CATSPERE: variants seen among roughly 807,000 people sequenced by gnomAD.
CATSPERE encodes the protein cation channel sperm-associated auxiliary subunit epsilon.
A neutral mutation model predicts 114.1 loss-of-function variants in CATSPERE; 93 were observed. The ratio of observed to expected loss-of-function variants is 0.81; its 90% CI spans 0.69 to 0.97. The LOEUF (loss-of-function observed/expected upper bound fraction) is 0.97, where lower values mean the gene tolerates loss of function less well. Ranked by LOEUF, CATSPERE falls within the 50% of genes least tolerant of loss-of-function variation. The pLI is 0.00. For missense variants in CATSPERE, 1,058 were observed against 1,131.6 expected, an observed-to-expected ratio of 0.93 and a Z score of 0.93; for synonymous variants, 341 against 384.1, an observed-to-expected ratio of 0.89 and a Z score of 1.31.
At chr1:244,592,071 G>A (rs1192368149) in intron 15 of CATSPERE, among the ~76,000 whole-genome samples, 3 of 152,088 alleles carry the variant, frequency 2.0e-5, no homozygotes, top group Non-Finnish European at 2.9e-5. Flanking sequence ...GACTGAAGCC[G>A]GGTACAGTGG....
At chr1:244,600,372 AGAG>A (rs1455672057) in intron 17 of CATSPERE, among the ~76,000 whole-genome samples, 11 of 24,744 alleles carry the variant, frequency 4.4e-4, no homozygotes, top group Admixed American at 7.8e-4. Flanking sequence ...AAAAAAAAAA[AGAG>A]AGAGAGAGAG....
chr1:244,564,359 A>G (rs12085540), intron 10 of CATSPERE, among the ~76,000 whole-genome samples: 29,946 of 152,040 alleles, frequency 0.2, 4,409 homozygotes, highest in East Asian at 0.41. Flanking sequence ...CCATTTTCAC[A>G]ATACTGATTC....
chr1:244,560,560 A>G (rs1572754593), intron 9 of CATSPERE, 108 bp from the exon 10 acceptor site: 1 of 629,458 alleles, frequency 1.6e-6, no homozygotes, highest in East Asian at 3.4e-5. Context: ...ACCTATTGAA[A>G]GAAAATTTAA....
chr1:244,588,250 A>G (rs1667276326), intron 13 of CATSPERE, among the ~76,000 whole-genome samples: 1 of 151,950 alleles, frequency 6.6e-6, no homozygotes, highest in East Asian at 1.9e-4. Flanking sequence ...CAAATGTAAG[A>G]AAGGAGAGAC....
chr1:244,543,837 G>A (rs1398057207), intron 8 of CATSPERE, among the ~76,000 whole-genome samples: 2 of 151,868 alleles, frequency 1.3e-5, no homozygotes, highest in East Asian at 3.9e-4. Context: ...ATGAGGTGAG[G>A]GGAGAAACAT....
intron 8 of CATSPERE, among the ~76,000 whole-genome samples, chr1:244,547,974 T>C (rs999371218): frequency 2.0e-5 from 3 of 152,236 alleles, no homozygotes; most frequent in African/African-American, 7.2e-5. Context: ...CATGCTATTA[T>C]ATACCAATTC....
chr1:244,543,004 CGTT>C (rs892436381), intron 8 of CATSPERE, among the ~76,000 whole-genome samples: 1 of 152,112 alleles, frequency 6.6e-6, no homozygotes, highest in African/African-American at 2.4e-5. Flanking sequence ...ATCCCTGGTA[CGTT>C]GTTGTTGGGA....
intron 11 of CATSPERE, among the ~76,000 whole-genome samples, chr1:244,578,575 G>A (rs945590926): frequency 2.0e-5 from 3 of 151,612 alleles, no homozygotes; most frequent in Admixed American, 1.3e-4. Flanking sequence ...TTACAATAAA[G>A]TAAGCTAGAG....
chr1:244,599,480 T>C (rs1203070652), intron 17 of CATSPERE, among the ~76,000 whole-genome samples: 10 of 152,216 alleles, frequency 6.6e-5, no homozygotes, highest in Non-Finnish European at 1.5e-4. Context: ...TATCTATTTG[T>C]CAATGCCTGC....
In CATSPERE at chr1:244,568,896, A is replaced by T. The variant is rs189483838; in HGVS notation, c.1508-3434A>T. Among the ~76,000 whole-genome samples, 55 of 152,240 alleles carry T rather than the reference A, an allele frequency of 3.6e-4. No homozygotes were observed. Among genetic ancestry groups the T allele is most frequent in the Non-Finnish European group, 7.1e-4 (48 of 68,018 alleles). ...CCTGGCACCACTGGGGTATGAAAAA[A>T]AACAAAAACAAAAACAAAGACAAAA... On this transcript the variant is annotated intron_variant, in intron 10 of 21. Coordinates refer to ENST00000366534, the MANE Select transcript of CATSPERE (RefSeq NM_001130957.2). The surrounding 1 kb of genome is among the most constrained non-coding windows in gnomAD (Gnocchi z 4.4).
intron 20 of CATSPERE, among the ~76,000 whole-genome samples, chr1:244,632,045 G>T (rs1674013200): frequency 6.6e-6 from 1 of 152,080 alleles, no homozygotes; most frequent in Non-Finnish European, 1.5e-5. Flanking sequence ...TCTAGCCTGG[G>T]TGATAGAGTG....
intron 2 of CATSPERE, among the ~76,000 whole-genome samples, chr1:244,466,222 T>G (rs1667582521): frequency 6.6e-6 from 1 of 152,232 alleles, no homozygotes; most frequent in Admixed American, 6.5e-5. Context: ...CAGGGACTAT[T>G]GTTAATATTT....
chr1:244,574,851 A>G (rs1664999641), intron 11 of CATSPERE, among the ~76,000 whole-genome samples: 2 of 152,218 alleles, frequency 1.3e-5, no homozygotes, highest in South Asian at 4.1e-4. Context: ...CTTTTAAATT[A>G]TACAATATTT....
chr1:244,509,663 C>G (rs975704626), intron 7 of CATSPERE, among the ~76,000 whole-genome samples: 6 of 152,078 alleles, frequency 3.9e-5, no homozygotes, highest in Non-Finnish European at 8.8e-5. Context: ...ATTAGTTATT[C>G]TTTATAAGTT....
chr1:244,604,809 T>C (rs146787281), intron 17 of CATSPERE, among the ~76,000 whole-genome samples: 62 of 152,356 alleles, frequency 4.1e-4, no homozygotes, highest in Non-Finnish European at 1.5e-5. Flanking sequence ...CAAGCCTCTA[T>C]GTTCACATGG....
rs772978655 is a variant in CATSPERE at position 244,593,606 on chromosome 1, C to T, written c.2303+28C>T. ...AAGTATATTCTCATCAACATTTTAA[C>T]TTATATTGAAAGTTTCAAACTCAAA... is the stretch of plus-strand genomic sequence containing the variant. On this transcript the variant is annotated intron_variant, in intron 17 of 21. Transcript: ENST00000366534. 5.7e-6 allele frequency: 9 copies of T among 1,566,574 alleles called. No individual in the cohort carries two copies. In the East Asian group the frequency reaches 2.0e-4, roughly 35 times the overall value.
Position 244,496,659 on chromosome 1 carries a change from G to A in CATSPERE, c.352-2343G>A, listed in dbSNP as rs116513281. On this transcript the variant is annotated intron_variant, in intron 6 of 21. Transcript: ENST00000366534. ...AATGTCCTCTACAACATAAAGATAC[G>A]GATTTTCCTGAATTTATAAATGCAA... is the stretch of plus-strand genomic sequence containing the variant. Among the ~76,000 whole-genome samples, 815 of 152,094 alleles carry A rather than the reference G, an allele frequency of 5.4e-3. 10 individuals carry two copies. Among genetic ancestry groups the A allele is most frequent in the African/African-American group, 0.019 (782 of 41,482 alleles).
intron 8 of CATSPERE, among the ~76,000 whole-genome samples, chr1:244,528,785 C>CA (rs1553342508): frequency 1.5e-5 from 2 of 130,530 alleles, no homozygotes; most frequent in South Asian, 2.6e-4. Flanking sequence ...CAATCCCCCA[C>CA]CACACACACA....
At chr1:244,464,968 A>AG (rs1667380439) in intron 2 of CATSPERE, among the ~76,000 whole-genome samples, 2 of 150,942 alleles carry the variant, frequency 1.3e-5, no homozygotes, top group Non-Finnish European at 2.9e-5. Flanking sequence ...ACTGAAAAAA[A>AG]AAAAAGCTGA....
Sources: gnomAD v4.1 joint callset for allele counts (sites outside exome capture counted in the v4.1 genomes callset) on GRCh38, gnomAD v4.1.1 for gene constraint, Gnocchi (gnomAD v3.1) non-coding constraint, MANE v1.5 for transcripts, NCBI Gene and HGNC (gene_info 2026-07-23, HGNC 2026-07-21) for gene names.